GALNT18: variants seen among roughly 807,000 people sequenced by gnomAD.
The protein encoded by GALNT18 is polypeptide N-acetylgalactosaminyltransferase 18.
GALNT18 carries 44 observed loss-of-function variants against 69.5 expected under a neutral mutation model. That is an observed-to-expected ratio of 0.63 (90% CI 0.50 to 0.81). The LOEUF is 0.81. Among genes scored for constraint, GALNT18 ranks in the 40% least tolerant of loss-of-function variants. The pLI is 0.00. For synonymous variants in GALNT18, 364 were observed against 318.2 expected (o/e 1.14, Z -1.53); for missense variants, 715 against 810.0 (o/e 0.88, Z 1.42).
Position 11,404,827 on chromosome 11 carries a change from C to T in GALNT18, c.596-25563G>A, listed in dbSNP as rs1004902163. 6.6e-6 allele frequency among the ~76,000 whole-genome samples: 1 copy of T among 152,156 alleles called. No homozygotes were observed. ...AGCTATGATTTCACCACCACCTGGC[C>T]TCAACTTGAACATGCCCCAGCCACA... On this transcript the variant is annotated intron_variant, in intron 3 of 10. Transcript: ENST00000227756. The surrounding 1 kb of genome is among the most constrained non-coding windows in gnomAD (Gnocchi z 4.5).
chr11:11,522,244 C>T (rs1857416513), intron 1 of GALNT18, among the ~76,000 whole-genome samples: 1 of 152,208 alleles, frequency 6.6e-6, no homozygotes, highest in Non-Finnish European at 1.5e-5. Flanking sequence ...ACATCGGTCC[C>T]TGCCCTACAA....
chr11:11,565,251 G>A (rs746243786), intron 1 of GALNT18, among the ~76,000 whole-genome samples: 18 of 152,288 alleles, frequency 1.2e-4, no homozygotes, highest in Middle Eastern at 6.8e-3. Flanking sequence ...TCCTTCTGTC[G>A]CCTGCTAATG....
chr11:11,558,600 A>G (rs1858390066), intron 1 of GALNT18, among the ~76,000 whole-genome samples: 1 of 152,196 alleles, frequency 6.6e-6, no homozygotes, highest in African/African-American at 2.4e-5. Flanking sequence ...TAGAAGCATC[A>G]GGGATGGAAA....
chr11:11,521,035 G>A (rs1857386887), intron 1 of GALNT18, among the ~76,000 whole-genome samples: 1 of 151,964 alleles, frequency 6.6e-6, no homozygotes. Context: ...CTACCTGGCT[G>A]TATCCTCCAG....
Position 11,402,658 on chromosome 11 carries a change from G to T in GALNT18, c.596-23394C>A, listed in dbSNP as rs1854494118. Among the ~76,000 whole-genome samples the T allele has an allele frequency of 6.6e-6, 1 of 152,190 alleles. No homozygotes were observed. Among genetic ancestry groups the T allele is most frequent in the Non-Finnish European group, 1.5e-5 (1 of 68,040 alleles). On this transcript the variant is annotated intron_variant, in intron 3 of 10. Coordinates refer to ENST00000227756, the MANE Select transcript of GALNT18 (RefSeq NM_198516.3). This position sits in a 1 kb window ranked among gnomAD's most constrained non-coding sequence, Gnocchi z 4.0. ...CAAGGCATAAGTCCTCTTTTTCATG[G>T]ATAGAGCCAGTGTCCCAAAAACTCT...
At chr11:11,487,547 T>A (rs2133879578) in intron 1 of GALNT18, among the ~76,000 whole-genome samples, 1 of 152,384 alleles carries the variant, frequency 6.6e-6, no homozygotes, top group African/African-American at 2.4e-5. Flanking sequence ...TACTCATTCA[T>A]CTGTGCATCC....
Position 11,340,787 on chromosome 11 carries a change from C to T in GALNT18, c.1278+32G>A. ...TGTTTTGTTTGTTTTCCACCAATCC[C>T]CGAGAAACTCATCCCTACCGGAGAT... On this transcript the variant is annotated intron_variant, in intron 7 of 10. Transcript: ENST00000227756. The surrounding 1 kb of genome is among the most constrained non-coding windows in gnomAD (Gnocchi z 4.2). 6.4e-7 allele frequency: 1 copy of T among 1,571,434 alleles called. No homozygotes were observed. Among genetic ancestry groups the T allele is most frequent in the Non-Finnish European group, 8.7e-7 (1 of 1,155,710 alleles).
Position 11,497,154 on chromosome 11 carries a change from C to G in GALNT18, c.236-48218G>C, listed in dbSNP as rs190798735. On this transcript the variant is annotated intron_variant, in intron 1 of 10. Transcript: ENST00000227756. This position sits in a 1 kb window ranked among gnomAD's most constrained non-coding sequence, Gnocchi z 4.2. The stretch of plus-strand genomic sequence containing the variant: ...GCCAGACCCTTCTTGTCATGCAAGT[C>G]TCAGCTCAATCATTGCTTGCCACAG... Among the ~76,000 whole-genome samples the G allele has an allele frequency of 3.9e-5, 6 of 152,222 alleles. No homozygotes were observed. The highest frequency in any genetic ancestry group is 1.4e-4 in the African/African-American group (6 of 41,548).
intron 10 of GALNT18, among the ~76,000 whole-genome samples, chr11:11,288,372 T>G (rs1413254987): frequency 6.6e-6 from 1 of 152,150 alleles, no homozygotes; most frequent in Non-Finnish European, 1.5e-5. Context: ...TTGGAAACTG[T>G]CTCTACAACC....
rs78806621 is a variant in GALNT18 at position 11,465,443 on chromosome 11, G to A, written c.236-16507C>T. 0.11 allele frequency among the ~76,000 whole-genome samples: 17,295 copies of A among 152,160 alleles called. 1,282 individuals are homozygous for A. The highest frequency in any genetic ancestry group is 0.27 in the East Asian group (1,390 of 5,154). On this transcript the variant is annotated intron_variant, in intron 1 of 10. Coordinates refer to ENST00000227756, the MANE Select transcript of GALNT18 (RefSeq NM_198516.3). This position sits in a 1 kb window ranked among gnomAD's most constrained non-coding sequence, Gnocchi z 5.7. ...TGAGTGCTGCTCCTCCAGGCTGCAC[G>A]GACGGTGTCACGCTGCCCTCTGATC...
chr11:11,418,079 T>C (rs563902201), intron 3 of GALNT18, among the ~76,000 whole-genome samples: 1 of 152,202 alleles, frequency 6.6e-6, no homozygotes. Flanking sequence ...TGCTCAGCCA[T>C]GCATTGTTTA....
intron 1 of GALNT18, among the ~76,000 whole-genome samples, chr11:11,502,369 T>C (rs1856991621): frequency 6.6e-6 from 1 of 152,206 alleles, no homozygotes; most frequent in Non-Finnish European, 1.5e-5. Flanking sequence ...GGCAGGAGCA[T>C]GTGTGGCCTT....
chr11:11,312,112 A>G (rs1391653496), intron 9 of GALNT18, among the ~76,000 whole-genome samples: 1 of 151,126 alleles, frequency 6.6e-6, no homozygotes, highest in African/African-American at 2.4e-5. Flanking sequence ...GCCTGCCACC[A>G]TGCCTGGCTA....
intron 1 of GALNT18, among the ~76,000 whole-genome samples, chr11:11,531,326 G>T (rs1486925177): frequency 6.6e-6 from 1 of 152,188 alleles, no homozygotes; most frequent in African/African-American, 2.4e-5. Context: ...TGTGGGAGGG[G>T]CTTGGAAGTC....
intron 6 of GALNT18, among the ~76,000 whole-genome samples, chr11:11,360,038 G>C (rs1334829867): frequency 6.6e-6 from 1 of 152,098 alleles, no homozygotes; most frequent in East Asian, 1.9e-4. Flanking sequence ...CTTGGCCTCA[G>C]AAGACCACCT....
chr11:11,435,641 G>A lies in GALNT18; in HGVS notation c.429-2854C>T, dbSNP rs1855381995. ...ACCTTGGACCACAGTCTGGCACTTA[G>A]TAGGCACTCCATGAATGTTTTTGGA... On this transcript the variant is annotated intron_variant, in intron 2 of 10. Coordinates refer to ENST00000227756, the MANE Select transcript of GALNT18 (RefSeq NM_198516.3). The surrounding 1 kb of genome is among the most constrained non-coding windows in gnomAD (Gnocchi z 4.4). Among the ~76,000 whole-genome samples the A allele has an allele frequency of 6.6e-6, 1 of 152,116 alleles. No individual in the cohort carries two copies. Among genetic ancestry groups the A allele is most frequent in the African/African-American group, 2.4e-5 (1 of 41,418 alleles).
At position 11,392,638 on chromosome 11, in the gene GALNT18, A is replaced by G. The variant is rs1442633964; in HGVS notation, c.596-13374T>C. ...CCTTCTCAAAAAGAAAAAAGAAAAA[A>G]AGTCACTGTTTATGTGGAACCTTCT... On this transcript the variant is annotated intron_variant, in intron 3 of 10. Transcript: ENST00000227756. 2.6e-5 allele frequency among the ~76,000 whole-genome samples: 4 copies of G among 152,104 alleles called. No individual in the cohort carries two copies. In the East Asian group the frequency reaches 7.7e-4, roughly 29 times the overall value.
chr11:11,471,250 G>C (rs10831619), intron 1 of GALNT18, among the ~76,000 whole-genome samples: 56,655 of 151,986 alleles, frequency 0.37, 11,187 homozygotes, highest in African/African-American at 0.47. Context: ...TGTGCATTCA[G>C]AACATGGCGT....
chr11:11,282,193 G>A (rs76286216), intron 10 of GALNT18, among the ~76,000 whole-genome samples: 6 of 152,104 alleles, frequency 3.9e-5, no homozygotes, highest in Non-Finnish European at 7.4e-5. Flanking sequence ...TTCTTCTCTC[G>A]GAAAATTTCA....
Sources: allele counts gnomAD v4.1 joint callset (sites outside exome capture counted in the v4.1 genomes callset), GRCh38; gene constraint gnomAD v4.1.1; non-coding constraint Gnocchi (gnomAD v3.1); transcripts MANE v1.5; gene names NCBI Gene and HGNC (gene_info 2026-07-23, HGNC 2026-07-21).